The following CERS6 variants were observed in gnomAD, a reference collection of about 807,000 sequenced individuals.
The protein encoded by CERS6 is LAG1 homolog, ceramide synthase 6.
A neutral mutation model predicts 56.8 loss-of-function variants in CERS6; 26 were observed. The ratio of observed to expected loss-of-function variants is 0.46; its 90% CI spans 0.34 to 0.63. The LOEUF is 0.63. Ranked by LOEUF, CERS6 falls within the 30% of genes least tolerant of loss-of-function variation. The pLI is 0.01. For synonymous variants in CERS6, 164 were observed against 173.3 expected (o/e 0.95, Z 0.42); for missense variants, 415 against 467.5 (o/e 0.89, Z 1.04).
At chr2:168,714,241 T>G (rs1170125861) in intron 6 of CERS6, among the ~76,000 whole-genome samples, 1 of 152,198 alleles carries the variant, frequency 6.6e-6, no homozygotes, top group African/African-American at 2.4e-5. Flanking sequence ...TATTATCGCC[T>G]TGAGCATTAA....
At chr2:168,641,249 C>T (rs540249380) in intron 4 of CERS6, among the ~76,000 whole-genome samples, 48 of 69,498 alleles carry the variant, frequency 6.9e-4, no homozygotes, top group Middle Eastern at 7.0e-3. Context: ...ATTACTGTAC[C>T]GGAAATGTCA....
chr2:168,608,358 C>T (rs1684103496), intron 3 of CERS6, among the ~76,000 whole-genome samples: 1 of 152,170 alleles, frequency 6.6e-6, no homozygotes, highest in African/African-American at 2.4e-5. Context: ...CTGGACATGT[C>T]TTCATTTCTC....
At chr2:168,756,478 C>G (rs1684419042) in intron 8 of CERS6, among the ~76,000 whole-genome samples, 1 of 152,152 alleles carries the variant, frequency 6.6e-6, no homozygotes, top group African/African-American at 2.4e-5. Context: ...GGAGACAATT[C>G]TGTTGGGATT....
At chr2:168,646,029 G>T (rs1009245866) in intron 4 of CERS6, among the ~76,000 whole-genome samples, 7 of 152,178 alleles carry the variant, frequency 4.6e-5, no homozygotes, top group African/African-American at 1.7e-4. Flanking sequence ...ATGGTGGAAT[G>T]ATTCATATTC....
At chr2:168,563,679 C>T (rs185073821) in intron 3 of CERS6, among the ~76,000 whole-genome samples, 1,838 of 152,262 alleles carry the variant, frequency 0.012, 30 homozygotes, top group African/African-American at 0.041. Flanking sequence ...CGCCTGCAGT[C>T]CCAGCTACTC....
At chr2:168,647,781 G>C (rs1459712409) in intron 4 of CERS6, among the ~76,000 whole-genome samples, 3 of 152,138 alleles carry the variant, frequency 2.0e-5, no homozygotes, top group Non-Finnish European at 2.9e-5. Flanking sequence ...TGTTGCTTTT[G>C]TCTTTAGTTC....
intron 3 of CERS6, among the ~76,000 whole-genome samples, chr2:168,614,929 C>T (rs1329144352): frequency 6.6e-5 from 10 of 152,124 alleles, no homozygotes; most frequent in Admixed American, 5.9e-4. Context: ...CAAAATAGTT[C>T]ATTAAACAAC....
chr2:168,718,003 A>G (rs998819651), intron 8 of CERS6, 25 bp downstream of exon 8: 1 of 1,487,886 alleles, frequency 6.7e-7, no homozygotes, highest in Non-Finnish European at 9.3e-7. Context: ...CTCCTTCCTG[A>G]TAGAGCCACC....
In CERS6 at chr2:168,553,920, A is replaced by G. The variant is rs566411970; in HGVS notation, c.276+6219A>G. Among the ~76,000 whole-genome samples, 4 of 152,348 alleles carry G rather than the reference A, an allele frequency of 2.6e-5. No homozygotes were observed. The East Asian group carries it at 7.7e-4, about 29-fold the overall frequency. ...TGATCTCTAAGAGGGGAGTCAAAGC[A>G]TATCAGTGAAAGCTGGCAAATCATT... On this transcript the variant is annotated intron_variant, in intron 2 of 9. Transcript: ENST00000305747.
At chr2:168,673,881 CACA>C (rs1234619061) in intron 4 of CERS6, among the ~76,000 whole-genome samples, 13 of 152,174 alleles carry the variant, frequency 8.5e-5, no homozygotes, top group Non-Finnish European at 5.9e-5. Flanking sequence ...ATAATAACAG[CACA>C]ACAACATTTT....
At chr2:168,768,229 GTTTTGTTTTGTTTTT>G (rs1305025697) in intron 9 of CERS6, among the ~76,000 whole-genome samples, 2 of 149,938 alleles carry the variant, frequency 1.3e-5, no homozygotes, top group African/African-American at 4.9e-5. Context: ...TTTTTGTTTT[GTTTTGTTTTGTTTTT>G]TTTTTTAAGA....
At chr2:168,763,613 T>G (rs548935477) in intron 8 of CERS6, among the ~76,000 whole-genome samples, 11 of 152,254 alleles carry the variant, frequency 7.2e-5, no homozygotes, top group Admixed American at 5.9e-4. Flanking sequence ...CTCTTAAAGC[T>G]CTCATCACAA....
intron 1 of CERS6, among the ~76,000 whole-genome samples, chr2:168,490,904 C>T (rs142764453): frequency 1.6e-3 from 243 of 152,308 alleles, no homozygotes; most frequent in Non-Finnish European, 3.0e-3. Flanking sequence ...ATTTTGCTAC[C>T]AAGTGACACT....
At chr2:168,562,098 C>G (rs1376027861) in intron 3 of CERS6, among the ~76,000 whole-genome samples, 2 of 152,192 alleles carry the variant, frequency 1.3e-5, no homozygotes, top group African/African-American at 4.8e-5. Context: ...AACAGTCCCT[C>G]AATTTCTTCT....
intron 1 of CERS6, among the ~76,000 whole-genome samples, chr2:168,458,261 T>A (rs1473470306): frequency 6.6e-6 from 1 of 152,216 alleles, no homozygotes; most frequent in African/African-American, 2.4e-5. Context: ...AGATAGATAA[T>A]GCATTTGAAA....
In CERS6 at chr2:168,493,083, T is replaced by G. The variant is rs143707201; in HGVS notation, c.170+36465T>G. The stretch of plus-strand genomic sequence containing the variant: ...TATGTGAAGATTATTAGAATATAAA[T>G]TTTTCTCCATTTGTTACAAACTCCT... On this transcript the variant is annotated intron_variant, in intron 1 of 9. Transcript: ENST00000305747. Among the ~76,000 whole-genome samples the G allele has an allele frequency of 7.9e-3, 1,204 of 152,306 alleles. 18 individuals are homozygous for G. Among genetic ancestry groups the G allele is most frequent in the African/African-American group, 0.028 (1,154 of 41,578 alleles).
intron 2 of CERS6, among the ~76,000 whole-genome samples, chr2:168,549,384 G>A (rs1430748085): frequency 6.6e-6 from 1 of 152,064 alleles, no homozygotes; most frequent in Non-Finnish European, 1.5e-5. Context: ...CGCCTGTAAT[G>A]CCAGCACTTT....
At chr2:168,526,592 T>G (rs1695076412) in intron 1 of CERS6, among the ~76,000 whole-genome samples, 1 of 152,248 alleles carries the variant, frequency 6.6e-6, no homozygotes, top group African/African-American at 2.4e-5. Flanking sequence ...ACAGAAAAAC[T>G]GACTCAGGGA....
At chr2:168,708,093 C>T (rs1403943705) in intron 6 of CERS6, among the ~76,000 whole-genome samples, 1 of 152,072 alleles carries the variant, frequency 6.6e-6, no homozygotes, top group Non-Finnish European at 1.5e-5. Context: ...TCCTGATCAT[C>T]AGGACTTTAC....
Sources: gnomAD v4.1 joint callset for allele counts (sites outside exome capture counted in the v4.1 genomes callset) on GRCh38, gnomAD v4.1.1 for gene constraint, MANE v1.5 for transcripts, NCBI Gene and HGNC (gene_info 2026-07-23, HGNC 2026-07-21) for gene names.